LRBA: variants seen among roughly 807,000 people sequenced by gnomAD.
LRBA encodes the protein LPS responsive beige-like anchor protein.
Under a neutral mutation model 330.0 loss-of-function variants are expected in LRBA, and 176 were observed. The ratio of observed to expected loss-of-function variants is 0.53; its 90% confidence interval spans 0.47 to 0.60. The LOEUF (loss-of-function observed/expected upper bound fraction) is 0.60, where lower values mean the gene tolerates loss of function less well. LRBA is among the 20% of genes least tolerant of loss of function. LRBA has a pLI of 0.00. For missense variants in LRBA, 3,259 were observed against 3,444.8 expected (o/e 0.95, Z 1.35); for synonymous variants, 1,230 against 1,193.0 (o/e 1.03, Z -0.64).
In LRBA at chr4:150,908,712, G is replaced by A. The variant is rs1731617598; in HGVS notation, c.1307C>T (p.Pro436Leu). 2.5e-6 allele frequency: 4 copies of A among 1,613,914 alleles called. No homozygotes were observed. Among genetic ancestry groups the A allele is most frequent in the Admixed American group, 3.3e-5 (2 of 59,992 alleles). The change falls in exon 10 of 57, where the codon CCT (proline) becomes CTT (leucine). Residue 436 changes from proline to leucine, a missense_variant. Physicochemically the swap from Pro to Leu is moderately conservative, Grantham distance 98 (BLOSUM62 -3). Transcript: ENST00000651943. ...AACAAAAATTGAAGGGTTGTCCTTAGGAGATGATTCAAGACAAAGCTGGGC... is the reference window on the plus strand; with the variant it reads ...AACAAAAATTGAAGGGTTGTCCTTAAGAGATGATTCAAGACAAAGCTGGGC... The part of the protein sequence containing the change: ...TDAQLCLESS[P>L]KDNPSIFVHS...
At chr4:150,884,333 T>G (rs1348526166) in intron 17 of LRBA, among the ~76,000 whole-genome samples, 1 of 148,460 alleles carries the variant, frequency 6.7e-6, no homozygotes, top group Non-Finnish European at 1.5e-5. Context: ...AAGAGAACCA[T>G]AGAAAGATTG....
At chr4:150,278,228 A>C (rs115849501) in intron 55 of LRBA, among the ~76,000 whole-genome samples, 3,794 of 152,292 alleles carry the variant, frequency 0.025, 77 homozygotes, top group Non-Finnish European at 0.039. Context: ...TTGCTTTTTT[A>C]AATACTAGGT....
intron 37 of LRBA, among the ~76,000 whole-genome samples, chr4:150,675,011 G>A (rs1190745585): frequency 1.3e-5 from 2 of 151,998 alleles, no homozygotes; most frequent in Non-Finnish European, 2.9e-5. Context: ...GAGCCCAGGG[G>A]TTCAAGACCA....
At chr4:150,327,257 A>G (rs1312486686) in intron 48 of LRBA, among the ~76,000 whole-genome samples, 2 of 151,960 alleles carry the variant, frequency 1.3e-5, no homozygotes, top group Admixed American at 1.3e-4. Flanking sequence ...TGTCTCTACA[A>G]AAAATAAAGA....
intron 47 of LRBA, among the ~76,000 whole-genome samples, chr4:150,395,430 T>A (rs1744593937): frequency 1.3e-5 from 2 of 152,136 alleles, no homozygotes; most frequent in Admixed American, 1.3e-4. Context: ...GTCTTCTCTG[T>A]CCTCTCTGTC....
chr4:150,693,606 G>T (rs1262995191), intron 36 of LRBA, among the ~76,000 whole-genome samples: 1 of 142,864 alleles, frequency 7.0e-6, no homozygotes, highest in Non-Finnish European at 1.5e-5. Flanking sequence ...AAATTACAGT[G>T]CTAAAAGAAA....
intron 40 of LRBA, among the ~76,000 whole-genome samples, chr4:150,587,169 G>A (rs1273383708): frequency 6.6e-6 from 1 of 152,042 alleles, no homozygotes; most frequent in Non-Finnish European, 1.5e-5. Context: ...TTTTCATCAA[G>A]AGCTACTACT....
chr4:150,427,913 G>T (rs913151471), intron 46 of LRBA, among the ~76,000 whole-genome samples: 4 of 151,952 alleles, frequency 2.6e-5, no homozygotes, highest in African/African-American at 9.7e-5. Flanking sequence ...CATGGTAGAA[G>T]ATGTGCTGCT....
At chr4:150,803,022 CAAAAAAAAAAAA>C (rs746026878) in intron 33 of LRBA, among the ~76,000 whole-genome samples, 3 of 34,796 alleles carry the variant, frequency 8.6e-5, no homozygotes, top group South Asian at 8.8e-4. Flanking sequence ...ACTCTGTCTC[CAAAAAAAAAAAA>C]AAAAAAAACT....
intron 36 of LRBA, among the ~76,000 whole-genome samples, chr4:150,733,887 C>T (rs768477803): frequency 6.6e-6 from 1 of 152,094 alleles, no homozygotes; most frequent in Non-Finnish European, 1.5e-5. Flanking sequence ...TGTTCAAGAT[C>T]CAGGTACACC....
At chr4:150,702,980 T>G (rs1479645707) in intron 36 of LRBA, among the ~76,000 whole-genome samples, 1 of 152,114 alleles carries the variant, frequency 6.6e-6, no homozygotes, top group East Asian at 1.9e-4. Flanking sequence ...GCCAACATAG[T>G]GAAGCCCCCA....
chr4:150,590,092 G>A (rs1015777287), intron 39 of LRBA, among the ~76,000 whole-genome samples: 8 of 152,116 alleles, frequency 5.3e-5, no homozygotes, highest in Admixed American at 5.2e-4. Context: ...TCTTCCTTGA[G>A]GGACAGAGCC....
At chr4:150,862,621 A>G (rs1467163366) in intron 22 of LRBA, among the ~76,000 whole-genome samples, 2 of 151,986 alleles carry the variant, frequency 1.3e-5, no homozygotes, top group East Asian at 3.9e-4. Context: ...GCACAGGTAT[A>G]CATATGTAAC....
At chr4:150,776,737 G>A (rs1737382263) in intron 34 of LRBA, among the ~76,000 whole-genome samples, 2 of 150,034 alleles carry the variant, frequency 1.3e-5, no homozygotes. Flanking sequence ...TTGAACCCAG[G>A]AGGCACAGGT....
At chr4:150,689,680 C>G (rs1783946261) in intron 36 of LRBA, among the ~76,000 whole-genome samples, 1 of 152,118 alleles carries the variant, frequency 6.6e-6, no homozygotes. Context: ...AATCTCAGCA[C>G]TTAGGGAGGC....
intron 44 of LRBA, among the ~76,000 whole-genome samples, chr4:150,459,385 G>T (rs1360737353): frequency 6.6e-6 from 1 of 151,862 alleles, no homozygotes; most frequent in Non-Finnish European, 1.5e-5. Context: ...CAGATATAAA[G>T]CAAGTATTGA....
chr4:150,648,030 G>C (rs1363108882), intron 37 of LRBA, among the ~76,000 whole-genome samples: 1 of 151,000 alleles, frequency 6.6e-6, no homozygotes, highest in Non-Finnish European at 1.5e-5. Flanking sequence ...TTTTTGCTTT[G>C]TTTAGGACAT....
In LRBA at chr4:150,567,975, A is replaced by C. The variant is rs1485051165; in HGVS notation, c.6330+20073T>G. Among the ~76,000 whole-genome samples, 4 of 152,230 alleles carry C rather than the reference A, an allele frequency of 2.6e-5. No individual in the cohort carries two copies. In the South Asian group the frequency reaches 8.3e-4, roughly 32 times the overall value. On this transcript the variant is annotated intron_variant, in intron 40 of 56. Transcript: ENST00000651943. Reference sequence around the variant, plus strand: ...AAGAACAAAAACAACGATATATTAGAGTGTTTAAGATCAACGGTAACTGAA... The same window carrying C: ...AAGAACAAAAACAACGATATATTAGCGTGTTTAAGATCAACGGTAACTGAA...
intron 2 of LRBA, among the ~76,000 whole-genome samples, chr4:150,979,271 C>A (rs1166443697): frequency 2.0e-5 from 3 of 152,162 alleles, no homozygotes; most frequent in Non-Finnish European, 4.4e-5. Context: ...AACTCTTACC[C>A]TAGAATATTA....
Sources: allele counts gnomAD v4.1 joint callset (sites outside exome capture counted in the v4.1 genomes callset), GRCh38; gene constraint gnomAD v4.1.1; transcripts MANE v1.5; gene names NCBI Gene and HGNC (gene_info 2026-07-23, HGNC 2026-07-21).